Variants in ING5 observed in about 807,000 individuals in gnomAD.
ING5 encodes the protein inhibitor of growth protein 5.
A neutral mutation model predicts 37.4 loss-of-function variants in ING5; 17 were observed. The ratio of observed to expected loss-of-function variants is 0.45; its 90% CI spans 0.31 to 0.68. The LOEUF is 0.68. Ranked by LOEUF, ING5 falls within the 30% of genes least tolerant of loss-of-function variation. The pLI is 0.05. For missense variants in ING5, 233 were observed against 311.9 expected (o/e 0.75, Z 1.91); for synonymous variants, 123 against 116.6 (o/e 1.06, Z -0.36).
upstream of ING5, among the ~76,000 whole-genome samples, chr2:241,700,150 G>GTTTT (rs780209565): frequency 0.021 from 1,550 of 73,214 alleles, 26 homozygotes; most frequent in African/African-American, 0.029. Context: ...GCCCGGCTAA[G>GTTTT]TTTTTTTTTT....
intron 2 of ING5, among the ~76,000 whole-genome samples, chr2:241,693,601 T>A (rs896308588): frequency 1.3e-4 from 19 of 150,100 alleles, no homozygotes; most frequent in Admixed American, 8.0e-4. Context: ...CCCCATGGAG[T>A]GTGCTGTCCC....
At chr2:241,694,071 G>T (rs1430177847) in intron 2 of ING5, 1 of 151,862 alleles carries the variant, frequency 6.6e-6, no homozygotes, top group Non-Finnish European at 1.5e-5. Flanking sequence ...TATATGATAT[G>T]TGAGGGCCAA....
upstream of ING5, among the ~76,000 whole-genome samples, chr2:241,698,211 A>C (rs1575116790): frequency 1.3e-5 from 2 of 151,940 alleles, no homozygotes; most frequent in South Asian, 4.2e-4. Flanking sequence ...TTGGGAGGCC[A>C]AGGCAGGAGG....
chr2:241,719,546 C>T lies in ING5; in HGVS notation c.483-3393C>T, dbSNP rs769484941. ...CGGAACCTGAAGGCCCTGTCCCGAC[C>T]GTGCCTTTTCTGCGTGAAAGTGGGA... On this transcript the variant is annotated intron_variant, in intron 5 of 7. Transcript: ENST00000313552. The T allele has an allele frequency of 2.6e-5, 40 of 1,535,868 alleles. No individual in the cohort carries two copies. The Admixed American group carries it at 4.1e-4, about 16-fold the overall frequency.
intron 5 of ING5, 131 bp from the exon 6 acceptor site, chr2:241,722,808 C>T (rs1349436945): frequency 6.6e-7 from 1 of 1,515,512 alleles, no homozygotes; most frequent in Admixed American, 2.1e-5. Context: ...ACCAATTTCC[C>T]CCTTGGAATG....
intron 7 of ING5, chr2:241,723,881 G>A (rs1380412816): frequency 8.4e-6 from 12 of 1,436,012 alleles, no homozygotes; most frequent in South Asian, 4.6e-5. Flanking sequence ...GTGGTGGTGC[G>A]TGCCTGTGGT....
chr2:241,715,152 G>A (rs1031276122), intron 5 of ING5, among the ~76,000 whole-genome samples: 5 of 152,092 alleles, frequency 3.3e-5, no homozygotes, highest in African/African-American at 1.2e-4. Context: ...TTTTGATATT[G>A]TTTTAAATTT....
chr2:241,725,127 G>A lies in ING5; in HGVS notation c.*96G>A. On this transcript the variant is annotated 3_prime_UTR_variant, in exon 8 of 8. Coordinates refer to ENST00000313552, the MANE Select transcript of ING5 (RefSeq NM_032329.6). Reference sequence around the variant, plus strand: ...CCTTTTAAAACTACCTTGTTCGGTTGATACTTAGTAACTCCGTGGCCAGTT... The same window carrying A: ...CCTTTTAAAACTACCTTGTTCGGTTAATACTTAGTAACTCCGTGGCCAGTT... 7.7e-7 allele frequency: 1 copy of A among 1,305,436 alleles called. No individual in the cohort carries two copies. Among genetic ancestry groups the A allele is most frequent in the Non-Finnish European group, 1.1e-6 (1 of 904,110 alleles). The allele number at this position is 1,305,436 out of a possible 1,614,324, so 80.9% of individuals were successfully genotyped here. A position where few individuals can be genotyped will look rare whatever the true frequency, so the allele number is the denominator to read the frequency against.
chr2:241,722,598 C>T (rs963471674), intron 5 of ING5: 8 of 985,148 alleles, frequency 8.1e-6, no homozygotes, highest in Admixed American at 1.2e-4. Flanking sequence ...GATTTTCTTG[C>T]TGCGCCTTCT....
At chr2:241,704,259 C>T (rs2069832900) in intron 1 of ING5, among the ~76,000 whole-genome samples, 1 of 152,126 alleles carries the variant, frequency 6.6e-6, no homozygotes, top group South Asian at 2.1e-4. Flanking sequence ...ACAGAGTGGG[C>T]TTGTAGACTT....
At chr2:241,705,097 C>T (rs970378647) in intron 2 of ING5, among the ~76,000 whole-genome samples, 5 of 151,728 alleles carry the variant, frequency 3.3e-5, no homozygotes, top group Admixed American at 2.0e-4. Flanking sequence ...TTTTTTGAGA[C>T]GGAGTCTTGC....
At chr2:241,720,840 G>GT in intron 5 of ING5, 1 of 985,774 alleles carries the variant, frequency 1.0e-6, no homozygotes, top group South Asian at 4.7e-5. Context: ...CCTCCCTCAG[G>GT]GCTGATAGCA....
chr2:241,713,000 CA>C (rs11377852), intron 5 of ING5, among the ~76,000 whole-genome samples: 38 of 129,310 alleles, frequency 2.9e-4, no homozygotes, highest in Admixed American at 4.0e-4. Flanking sequence ...GACTCTGTCT[CA>C]AAAAAAAAAA....
intron 3 of ING5, among the ~76,000 whole-genome samples, chr2:241,710,138 C>T (rs1480647375): frequency 6.7e-6 from 1 of 149,966 alleles, no homozygotes; most frequent in Non-Finnish European, 1.5e-5. Context: ...TGGACTTTTG[C>T]TCTTGTTGCC....
intron 5 of ING5, 184 bp downstream of exon 5, chr2:241,712,255 T>C: frequency 1.8e-6 from 1 of 554,228 alleles, no homozygotes; most frequent in Non-Finnish European, 3.2e-6. Context: ...GGGGTGCCGT[T>C]GTCAGGGGCA....
At chr2:241,700,830 T>C (rs1345581372), upstream of ING5, among the ~76,000 whole-genome samples, 1 of 151,814 alleles carries the variant, frequency 6.6e-6, no homozygotes, top group East Asian at 2.0e-4. Flanking sequence ...TTCGCCACGT[T>C]GGCCAGGCTG....
At position 241,712,087 on chromosome 2, in the gene ING5, C is replaced by T. The variant is rs1387265978; in HGVS notation, c.482+16C>T. The T allele has an allele frequency of 5.8e-6, 9 of 1,564,830 alleles. No individual in the cohort carries two copies. The highest frequency in any genetic ancestry group is 7.8e-6 in the Non-Finnish European group (9 of 1,152,754). On this transcript the variant is annotated intron_variant, in intron 5 of 7. Transcript: ENST00000313552. ...ACAAAGGAGGGTAAGAGGCTTTCCC[C>T]TCTTTTTCCCAAAAGAACGAATACC...
In ING5 at chr2:241,728,942, C is replaced by T. The variant is rs956337596; in HGVS notation, c.*3911C>T. On this transcript the variant is annotated 3_prime_UTR_variant, in exon 8 of 8. Coordinates refer to ENST00000313552, the MANE Select transcript of ING5 (RefSeq NM_032329.6). ...GTCCAGCAGCCCTGCCGGACTTGGC[C>T]TCCTGTCCTGTCGTTGGGAGCCCTG... is the stretch of plus-strand genomic sequence containing the variant. 1.6e-4 allele frequency: 25 copies of T among 152,266 alleles called. No individual in the cohort carries two copies. The highest frequency in any genetic ancestry group is 5.8e-4 in the African/African-American group (24 of 41,458). 9.4% of individuals were successfully genotyped at this position (152,266 alleles called of 1,614,324 possible). A position where few individuals can be genotyped will look rare whatever the true frequency, so the allele number is the denominator to read the frequency against.
intron 2 of ING5, among the ~76,000 whole-genome samples, chr2:241,693,483 A>G (rs910584526): frequency 6.6e-5 from 10 of 151,500 alleles, no homozygotes; most frequent in African/African-American, 2.4e-4. Context: ...TGCATCCCCT[A>G]CGCTCTCCGA....
Sources: allele counts gnomAD v4.1 joint callset (sites outside exome capture counted in the v4.1 genomes callset), GRCh38; gene constraint gnomAD v4.1.1; transcripts MANE v1.5; gene names NCBI Gene and HGNC (gene_info 2026-07-23, HGNC 2026-07-21).